Variants in MGMT observed in about 807,000 individuals in gnomAD.
MGMT encodes methylated-DNA--protein-cysteine methyltransferase.
In MGMT, 14 loss-of-function variants were observed where a neutral mutation model predicts 15.9. The observed-to-expected ratio is 0.88, with a 90% CI of 0.58 to 1.37. MGMT has a LOEUF of 1.37. MGMT is among the 40% of genes most tolerant of loss of function. The pLI, the probability that MGMT is intolerant of heterozygous loss-of-function variation, is 0.00. For missense variants in MGMT, 282 were observed against 268.1 expected (o/e 1.05, Z -0.36); for synonymous variants, 130 against 118.2 (o/e 1.10, Z -0.65).
chr10:129,688,079 T>G (rs1469473376), intron 2 of MGMT, among the ~76,000 whole-genome samples: 1 of 152,262 alleles, frequency 6.6e-6, no homozygotes, highest in Non-Finnish European at 1.5e-5. Context: ...TGCCACATTT[T>G]CTTAATCCAG....
At chr10:129,667,070 A>G (rs1340898039) in intron 2 of MGMT, among the ~76,000 whole-genome samples, 1 of 152,186 alleles carries the variant, frequency 6.6e-6, no homozygotes, top group Non-Finnish European at 1.5e-5. Flanking sequence ...AGCGTCACCC[A>G]TTGTTTCTAA....
chr10:129,499,349 C>T (rs1283136848), intron 1 of MGMT, among the ~76,000 whole-genome samples: 4 of 152,188 alleles, frequency 2.6e-5, no homozygotes, highest in Non-Finnish European at 5.9e-5. Flanking sequence ...CAGCTTTCAC[C>T]TTGACTCTTG....
intron 2 of MGMT, among the ~76,000 whole-genome samples, chr10:129,705,451 G>A (rs557708759): frequency 2.6e-4 from 40 of 152,204 alleles, no homozygotes; most frequent in Non-Finnish European, 4.7e-4. Flanking sequence ...TTAACTAGAC[G>A]TGTAAGCTAT....
At chr10:129,594,116 G>T (rs1345359197) in intron 2 of MGMT, among the ~76,000 whole-genome samples, 1 of 152,226 alleles carries the variant, frequency 6.6e-6, no homozygotes, top group East Asian at 1.9e-4. Flanking sequence ...GCAGCCCTGT[G>T]TTGGTGCCTG....
rs1564845461 is a variant in MGMT, at chr10:129,536,385, T to G, written c.125+8T>G. On this transcript the variant is annotated splice_region_variant and intron_variant, in intron 2 of 4. Coordinates refer to ENST00000651593, the MANE Select transcript of MGMT (RefSeq NM_002412.5). Reference sequence around the variant, plus strand: ...GGGGACGTCTGCAGCTGAGTAAGTATGAGCCCACGTGATCCTGTATACCGC... The same window carrying G: ...GGGGACGTCTGCAGCTGAGTAAGTAGGAGCCCACGTGATCCTGTATACCGC... The G allele has an allele frequency of 4.3e-6, 7 of 1,610,244 alleles. No individual in the cohort carries two copies. In the South Asian group the frequency reaches 5.5e-5, roughly 13 times the overall value.
chr10:129,629,256 C>A (rs1367328314), intron 2 of MGMT, among the ~76,000 whole-genome samples: 1 of 152,226 alleles, frequency 6.6e-6, no homozygotes, highest in Non-Finnish European at 1.5e-5. Flanking sequence ...CTTATAAACC[C>A]TTAGTACTGC....
At chr10:129,582,699 C>A (rs965578642) in intron 2 of MGMT, among the ~76,000 whole-genome samples, 1 of 151,470 alleles carries the variant, frequency 6.6e-6, no homozygotes, top group African/African-American at 2.4e-5. Context: ...GTATCTAAAT[C>A]CCCGGCAGTT....
chr10:129,596,839 T>G (rs530801159), intron 2 of MGMT, among the ~76,000 whole-genome samples: 86 of 152,156 alleles, frequency 5.7e-4, no homozygotes, highest in Non-Finnish European at 1.0e-3. Flanking sequence ...AGCCCAACTT[T>G]AACAGTGGAT....
intron 2 of MGMT, among the ~76,000 whole-genome samples, chr10:129,588,782 A>G (rs866250359): frequency 6.6e-6 from 1 of 152,250 alleles, no homozygotes; most frequent in Admixed American, 6.5e-5. Context: ...ACGCAGCATC[A>G]TGCAAACTGC....
chr10:129,646,754 A>ATATATATATATTTTTTTTTTTTTTTT, intron 2 of MGMT, among the ~76,000 whole-genome samples: 15 of 86,632 alleles, frequency 1.7e-4, no homozygotes, highest in Non-Finnish European at 2.8e-4. Context: ...ATATATATAT[A>ATATATATATATTTTTTTTTTTTTTTT]TTTTCAGGGA....
chr10:129,657,695 A>ACG (rs1179085648), intron 2 of MGMT, among the ~76,000 whole-genome samples: 117 of 139,264 alleles, frequency 8.4e-4, no homozygotes, highest in African/African-American at 3.1e-3. Context: ...ACACACACAC[A>ACG]CACACACACA....
chr10:129,468,164 G>T (rs1271182685), intron 1 of MGMT, among the ~76,000 whole-genome samples: 1 of 152,170 alleles, frequency 6.6e-6, no homozygotes, highest in Non-Finnish European at 1.5e-5. Flanking sequence ...TATCTGTTAA[G>T]TCAGGCTCTC....
intron 2 of MGMT, among the ~76,000 whole-genome samples, chr10:129,554,205 G>A (rs988149399): frequency 6.6e-6 from 1 of 152,234 alleles, no homozygotes; most frequent in South Asian, 2.1e-4. Flanking sequence ...TGAGCAGCAC[G>A]CAGGTGATGA....
At chr10:129,557,935 G>C (rs965299690) in intron 2 of MGMT, among the ~76,000 whole-genome samples, 6 of 152,216 alleles carry the variant, frequency 3.9e-5, no homozygotes, top group Non-Finnish European at 5.9e-5. Flanking sequence ...TCTGTCTTCT[G>C]TAGGAAATGA....
rs904026077 is a variant in MGMT at position 129,525,679 on chromosome 10, A to T, written c.-12-10562A>T. On this transcript the variant is annotated intron_variant, in intron 1 of 4. Coordinates refer to ENST00000651593, the MANE Select transcript of MGMT (RefSeq NM_002412.5). ...AAACCGGCACACCTCCTGTTCCAGG[A>T]CCCAGACCCTGGAAGTCTGTGCCTA... Among the ~76,000 whole-genome samples, 4 of 152,272 alleles carry T rather than the reference A, an allele frequency of 2.6e-5. No homozygotes were observed. The East Asian group carries it at 7.7e-4, about 29-fold the overall frequency.
chr10:129,571,188 G>GT (rs1187322290), intron 2 of MGMT, among the ~76,000 whole-genome samples: 1 of 152,144 alleles, frequency 6.6e-6, no homozygotes, highest in Non-Finnish European at 1.5e-5. Context: ...TAATATTGCA[G>GT]TTGGAGACTG....
At chr10:129,567,341 C>A (rs1846367912) in intron 2 of MGMT, among the ~76,000 whole-genome samples, 1 of 151,964 alleles carries the variant, frequency 6.6e-6, no homozygotes, top group South Asian at 2.1e-4. Context: ...CCATCATAGA[C>A]CCAGCAGGAC....
chr10:129,600,333 G>A (rs914696192), intron 2 of MGMT, among the ~76,000 whole-genome samples: 1 of 152,220 alleles, frequency 6.6e-6, no homozygotes, highest in African/African-American at 2.4e-5. Flanking sequence ...CGAGCCACAT[G>A]GGAAGGAGAC....
intron 4 of MGMT, among the ~76,000 whole-genome samples, chr10:129,762,723 A>C (rs963868927): frequency 3.9e-5 from 6 of 152,214 alleles, no homozygotes; most frequent in African/African-American, 1.4e-4. Context: ...CTGAGGAGTT[A>C]GTTTATTCAC....
Sources: gnomAD v4.1 joint callset for allele counts (sites outside exome capture counted in the v4.1 genomes callset) on GRCh38, gnomAD v4.1.1 for gene constraint, MANE v1.5 for transcripts, NCBI Gene and HGNC (gene_info 2026-07-23, HGNC 2026-07-21) for gene names.